Variants in NSD2 observed in about 807,000 individuals in gnomAD.
NSD2 encodes the protein nuclear receptor binding SET domain protein 2, also known as histone-lysine N-methyltransferase NSD2.
NSD2 carries 12 observed loss-of-function variants against 139.0 expected under a neutral mutation model. The ratio of observed to expected loss-of-function variants is 0.09; its 90% CI spans 0.06 to 0.14. The LOEUF (loss-of-function observed/expected upper bound fraction) is 0.14, where lower values mean the gene tolerates loss of function less well. Among genes scored for constraint, NSD2 ranks in the 10% least tolerant of loss-of-function variants. The pLI is 1.00. For synonymous variants in NSD2, 669 were observed against 648.7 expected, an observed-to-expected ratio of 1.03 and a Z score of -0.48; for missense variants, 1,155 against 1,745.0, an observed-to-expected ratio of 0.66 and a Z score of 6.02.
Position 1,979,556 on chromosome 4 carries a change from C to T in NSD2, c.*647C>T, listed in dbSNP as rs1324015278. The T allele has an allele frequency of 8.6e-6, 2 of 232,670 alleles. No individual in the cohort carries two copies. The highest frequency in any genetic ancestry group is 4.4e-5 in the African/African-American group (2 of 45,296). The allele number at this position is 232,670 out of a possible 1,614,324, so 14.4% of individuals were successfully genotyped here. On this transcript the variant is annotated 3_prime_UTR_variant, in exon 22 of 22. Coordinates refer to ENST00000508803, the MANE Select transcript of NSD2 (RefSeq NM_001042424.3). ...GTAAGATTTCCTCCCGTAGTTTTTT[C>T]TCCTCATGGATTTGAATGAAATGCC...
intron 1 of NSD2, among the ~76,000 whole-genome samples, chr4:1,891,807 A>C (rs919820626): frequency 1.3e-5 from 2 of 150,054 alleles, no homozygotes; most frequent in African/African-American, 4.9e-5. Flanking sequence ...CAGTGAGCCG[A>C]GATCGCGCCA....
At chr4:1,884,434 C>T (rs1424201929) in intron 1 of NSD2, among the ~76,000 whole-genome samples, 1 of 152,072 alleles carries the variant, frequency 6.6e-6, no homozygotes, top group Non-Finnish European at 1.5e-5. Flanking sequence ...TGCCCTGTCA[C>T]CCAGGCTGGA....
rs1197640631 is a variant in NSD2 at position 1,958,716 on chromosome 4, T to C, written c.2985+680T>C. 1.3e-5 allele frequency among the ~76,000 whole-genome samples: 2 copies of C among 152,250 alleles called. No individual in the cohort carries two copies. Among genetic ancestry groups the C allele is most frequent in the African/African-American group, 4.8e-5 (2 of 41,472 alleles). On this transcript the variant is annotated intron_variant, in intron 16 of 21. Transcript: ENST00000508803. This position sits in a 1 kb window ranked among gnomAD's most constrained non-coding sequence, Gnocchi z 4.6. ...TTGTATGTAAAGAAAGTGCTCTGTA[T>C]TCATCTTTATATAATATTTTCTTTG...
chr4:1,942,019 C>T lies in NSD2; in HGVS notation c.1881+2241C>T. Reference sequence around the variant, plus strand: ...GACACACACCCATTGGGTCACACCCCCTTTGCATGTTTGTATTTCCTCCCT... The same window carrying T: ...GACACACACCCATTGGGTCACACCCTCTTTGCATGTTTGTATTTCCTCCCT... On this transcript the variant is annotated intron_variant, in intron 9 of 21. Transcript: ENST00000508803. This position sits in a 1 kb window ranked among gnomAD's most constrained non-coding sequence, Gnocchi z 4.0. 1 of 1,152,112 alleles carries T rather than the reference C, an allele frequency of 8.7e-7. No homozygotes were observed. Among genetic ancestry groups the T allele is most frequent in the Non-Finnish European group, 1.1e-6 (1 of 931,064 alleles). 71.4% of individuals were successfully genotyped at this position (1,152,112 alleles called of 1,614,324 possible).
Position 1,974,636 on chromosome 4 carries a change from G to T in NSD2, c.3373-227G>T. On this transcript the variant is annotated intron_variant, in intron 18 of 21. Transcript: ENST00000508803. This position sits in a 1 kb window ranked among gnomAD's most constrained non-coding sequence, Gnocchi z 4.0. The stretch of plus-strand genomic sequence containing the variant: ...CCAGCTCCCTGTCCTGTCCTCCCCG[G>T]CGCTCACTAAGGCTCGGTCCTCTCC... 1.4e-6 allele frequency: 1 copy of T among 708,114 alleles called. No homozygotes were observed. The highest frequency in any genetic ancestry group is 1.4e-5 in the South Asian group (1 of 71,404). 43.9% of individuals were successfully genotyped at this position (708,114 alleles called of 1,614,324 possible).
intron 12 of NSD2, among the ~76,000 whole-genome samples, chr4:1,954,842 G>C (rs925585034): frequency 5.3e-5 from 8 of 152,174 alleles, no homozygotes; most frequent in African/African-American, 1.9e-4. Flanking sequence ...GGGATATTTT[G>C]GGGATGTGCT....
intron 1 of NSD2, among the ~76,000 whole-genome samples, chr4:1,876,308 T>G (rs1714251618): frequency 6.6e-6 from 1 of 152,228 alleles, no homozygotes; most frequent in Non-Finnish European, 1.5e-5. Context: ...TCAAAGCATT[T>G]TACTTTCTGT....
At chr4:1,926,697 C>G (rs948891895) in intron 5 of NSD2, among the ~76,000 whole-genome samples, 1 of 152,126 alleles carries the variant, frequency 6.6e-6, no homozygotes, top group East Asian at 1.9e-4. Context: ...TCTCAAACAC[C>G]TGACCTCAGG....
At chr4:1,888,519 T>C (rs1022685939) in intron 1 of NSD2, among the ~76,000 whole-genome samples, 4 of 152,008 alleles carry the variant, frequency 2.6e-5, no homozygotes, top group Non-Finnish European at 4.4e-5. Flanking sequence ...TTGGTAATGA[T>C]TTTTTCCTCA....
chr4:1,930,899 C>CCAA, intron 6 of NSD2, 129 bp downstream of exon 6: 1 of 1,238,772 alleles, frequency 8.1e-7, no homozygotes, highest in Non-Finnish European at 1.1e-6. Flanking sequence ...GGGTTTGGGC[C>CCAA]AGCGGTCCAA....
intron 3 of NSD2, among the ~76,000 whole-genome samples, chr4:1,912,549 T>C (rs567102316): frequency 3.4e-4 from 52 of 152,194 alleles, no homozygotes; most frequent in African/African-American, 1.2e-3. Flanking sequence ...AGTATTCATC[T>C]CCTCATCCTT....
chr4:1,908,050 C>T (rs1003247677), intron 3 of NSD2, among the ~76,000 whole-genome samples: 2 of 152,224 alleles, frequency 1.3e-5, no homozygotes, highest in South Asian at 4.1e-4. Context: ...TGTTGCTGTG[C>T]TAAGAGCAGG....
intron 20 of NSD2, 106 bp downstream of exon 20, chr4:1,975,506 G>A: frequency 9.7e-7 from 1 of 1,032,382 alleles, no homozygotes; most frequent in Non-Finnish European, 1.5e-6. Context: ...CTGGCTTGTT[G>A]CCGGGACAGG....
intron 18 of NSD2, among the ~76,000 whole-genome samples, chr4:1,965,346 T>C (rs1211995162): frequency 1.3e-5 from 2 of 151,818 alleles, no homozygotes; most frequent in Non-Finnish European, 2.9e-5. Flanking sequence ...AAAAGAAGAT[T>C]GAAGAAAAGT....
In NSD2 at chr4:1,958,080, C is replaced by T; in HGVS notation, c.2985+44C>T. The stretch of plus-strand genomic sequence containing the variant: ...GTGCACGCGTGTGGAGGGAGTCTTC[C>T]CCGAGGGCCGTGAGAGGTTCTTAGG... On this transcript the variant is annotated intron_variant, in intron 16 of 21. Coordinates refer to ENST00000508803, the MANE Select transcript of NSD2 (RefSeq NM_001042424.3). This position sits in a 1 kb window ranked among gnomAD's most constrained non-coding sequence, Gnocchi z 4.6. The T allele has an allele frequency of 6.3e-7, 1 of 1,587,892 alleles. No individual in the cohort carries two copies. Among genetic ancestry groups the T allele is most frequent in the South Asian group, 1.1e-5 (1 of 89,342 alleles).
intron 5 of NSD2, among the ~76,000 whole-genome samples, chr4:1,927,378 T>C (rs1577462123): frequency 6.6e-6 from 1 of 152,084 alleles, no homozygotes; most frequent in Non-Finnish European, 1.5e-5. Flanking sequence ...GGTGGATACC[T>C]AAACATTCTT....
At chr4:1,882,726 G>A (rs1176493040) in intron 1 of NSD2, among the ~76,000 whole-genome samples, 1 of 152,190 alleles carries the variant, frequency 6.6e-6, no homozygotes, top group Non-Finnish European at 1.5e-5. Flanking sequence ...TTTTGGGCTT[G>A]TTACTGTACC....
At position 1,952,927 on chromosome 4, in the gene NSD2, C is replaced by T. The variant is rs575667440; in HGVS notation, c.2138-397C>T. 6.2e-5 allele frequency: 88 copies of T among 1,413,916 alleles called. 2 individuals carry two copies. In the South Asian group the frequency reaches 1.3e-3, roughly 21 times the overall value. The allele number at this position is 1,413,916 out of a possible 1,614,324, so 87.6% of individuals were successfully genotyped here. Reference sequence around the variant, plus strand: ...GGCCATGGCAGCCCCACAGCAGCACCTCACTTATGGGAGTGTCTGTCTGCC... The same window carrying T: ...GGCCATGGCAGCCCCACAGCAGCACTTCACTTATGGGAGTGTCTGTCTGCC... On this transcript the variant is annotated intron_variant, in intron 11 of 21. Coordinates refer to ENST00000508803, the MANE Select transcript of NSD2 (RefSeq NM_001042424.3).
At chr4:1,913,331 G>T (rs1037348076) in intron 3 of NSD2, among the ~76,000 whole-genome samples, 5 of 152,210 alleles carry the variant, frequency 3.3e-5, no homozygotes, top group African/African-American at 7.2e-5. Context: ...AGGAAAGGGA[G>T]TCTCCCTTTC....
Sources: gnomAD v4.1 joint callset for allele counts (sites outside exome capture counted in the v4.1 genomes callset) on GRCh38, gnomAD v4.1.1 for gene constraint, Gnocchi (gnomAD v3.1) non-coding constraint, MANE v1.5 for transcripts, NCBI Gene and HGNC (gene_info 2026-07-23, HGNC 2026-07-21) for gene names.